NRXN1: variants seen among roughly 807,000 people sequenced by gnomAD.
The protein encoded by NRXN1 is neurexin-1.
In NRXN1, 39 loss-of-function variants were observed where a neutral mutation model predicts 150.9. That is an observed-to-expected ratio of 0.26 (90% confidence interval 0.20 to 0.34). The LOEUF (loss-of-function observed/expected upper bound fraction) is 0.34. Ranked by LOEUF, NRXN1 falls within the 10% of genes least tolerant of loss-of-function variation. NRXN1 has a pLI of 1.00. For synonymous variants in NRXN1, 924 were observed against 757.0 expected, an observed-to-expected ratio of 1.22 and a Z score of -3.62; for missense variants, 1,815 against 1,949.9, an observed-to-expected ratio of 0.93 and a Z score of 1.30.
chr2:49,964,536 C>T (rs150007514), intron 21 of NRXN1, among the ~76,000 whole-genome samples: 15 of 148,176 alleles, frequency 1.0e-4, no homozygotes, highest in Admixed American at 2.7e-4. Context: ...GCCGAGATCA[C>T]GCCATTGCAC....
chr2:50,682,728 T>G (rs1362368818), intron 5 of NRXN1, among the ~76,000 whole-genome samples: 2 of 152,098 alleles, frequency 1.3e-5, no homozygotes, highest in African/African-American at 2.4e-5. Context: ...TCCAAGGGCC[T>G]AGCAAGACAG....
At chr2:50,647,584 A>C (rs1024968797) in intron 5 of NRXN1, among the ~76,000 whole-genome samples, 42 of 151,958 alleles carry the variant, frequency 2.8e-4, no homozygotes, top group Non-Finnish European at 3.7e-4. Context: ...GGGGAATATA[A>C]ATTGGCAACT....
chr2:50,856,922 TC>T (rs1356536968), intron 5 of NRXN1, among the ~76,000 whole-genome samples: 1 of 152,054 alleles, frequency 6.6e-6, no homozygotes, highest in Non-Finnish European at 1.5e-5. Flanking sequence ...CTCTAGCCTA[TC>T]CTATTCTCAC....
At chr2:50,397,408 A>G (rs2082118482) in intron 17 of NRXN1, among the ~76,000 whole-genome samples, 2 of 152,110 alleles carry the variant, frequency 1.3e-5, no homozygotes, top group Admixed American at 1.3e-4. Flanking sequence ...GACAAGCAGA[A>G]CAATGGACAT....
At chr2:50,640,730 C>T (rs1413040334) in intron 5 of NRXN1, among the ~76,000 whole-genome samples, 4 of 152,202 alleles carry the variant, frequency 2.6e-5, no homozygotes, top group East Asian at 1.9e-4. Context: ...TAGACAATCA[C>T]ATTTGCCCAG....
intron 21 of NRXN1, among the ~76,000 whole-genome samples, chr2:49,996,903 C>G (rs955022737): frequency 2.0e-5 from 3 of 152,172 alleles, no homozygotes; most frequent in Non-Finnish European, 4.4e-5. Flanking sequence ...TATACTACAT[C>G]TTAGTCCAAA....
intron 17 of NRXN1, among the ~76,000 whole-genome samples, chr2:50,456,422 C>T (rs920824323): frequency 2.0e-5 from 3 of 152,038 alleles, no homozygotes; most frequent in Admixed American, 6.6e-5. Flanking sequence ...CTATAGAATG[C>T]TACAAGAGAG....
chr2:50,567,817 A>G (rs1390665242), intron 8 of NRXN1, among the ~76,000 whole-genome samples: 3 of 152,124 alleles, frequency 2.0e-5, no homozygotes, highest in Non-Finnish European at 2.9e-5. Flanking sequence ...TTTATTCAAA[A>G]ATAATGACGA....
At chr2:50,949,381 G>A (rs1371439538) in intron 2 of NRXN1, among the ~76,000 whole-genome samples, 1 of 151,778 alleles carries the variant, frequency 6.6e-6, no homozygotes, top group Non-Finnish European at 1.5e-5. Context: ...GTCAGATAAT[G>A]GCATCAAGAA....
At chr2:50,749,844 T>C (rs961799383) in intron 5 of NRXN1, among the ~76,000 whole-genome samples, 2 of 152,026 alleles carry the variant, frequency 1.3e-5, no homozygotes, top group African/African-American at 2.4e-5. Context: ...CCCAAGTACA[T>C]TGATGGCTGA....
Position 51,027,938 on chromosome 2 carries a change from G to A in NRXN1, c.336C>T (p.Gly112=), listed in dbSNP as rs1043285496. 12 of 1,604,612 alleles carry A rather than the reference G, an allele frequency of 7.5e-6. No homozygotes were observed. The highest frequency in any genetic ancestry group is 9.3e-6 in the Non-Finnish European group (11 of 1,179,630). The stretch of plus-strand genomic sequence containing the variant: ...GGCGGATGCGCACGCTGTGCCAGGC[G>A]CCGTCGTTAACCGGCGTGTCGGCCA... The part of the protein sequence containing the change: ...TLLADTPVND[G]AWHSVRIRRQ... The change falls in exon 2 of 23, where the codon GGC becomes GGT. Residue 112 remains glycine (G), a synonymous_variant. Transcript: ENST00000401669.
intron 17 of NRXN1, among the ~76,000 whole-genome samples, chr2:50,270,441 T>G (rs2069441094): frequency 6.6e-6 from 1 of 152,034 alleles, no homozygotes; most frequent in South Asian, 2.1e-4. Flanking sequence ...GTATTTGGAG[T>G]CCTCTAAACT....
intron 17 of NRXN1, among the ~76,000 whole-genome samples, chr2:50,367,182 C>T (rs1441451384): frequency 2.0e-5 from 3 of 151,890 alleles, no homozygotes; most frequent in Non-Finnish European, 4.4e-5. Flanking sequence ...ATAAGGCTAT[C>T]CTCGTCTCTT....
At chr2:50,707,405 G>A (rs956906710) in intron 5 of NRXN1, among the ~76,000 whole-genome samples, 8 of 152,080 alleles carry the variant, frequency 5.3e-5, no homozygotes, top group Admixed American at 2.0e-4. Context: ...GGTTCTTGGC[G>A]GTAGAAATGT....
At chr2:50,095,319 C>T (rs12477934) in intron 18 of NRXN1, among the ~76,000 whole-genome samples, 37,056 of 152,074 alleles carry the variant, frequency 0.24, 4,937 homozygotes, top group Admixed American at 0.38. Flanking sequence ...AGTTTAATTC[C>T]TGTTACACCT....
intron 17 of NRXN1, among the ~76,000 whole-genome samples, chr2:50,458,724 C>A (rs1428887822): frequency 6.6e-6 from 1 of 151,916 alleles, no homozygotes; most frequent in South Asian, 2.1e-4. Flanking sequence ...GAATTACAGG[C>A]ATGTACCACC....
At chr2:50,406,087 C>A (rs974233600) in intron 17 of NRXN1, among the ~76,000 whole-genome samples, 1 of 152,012 alleles carries the variant, frequency 6.6e-6, no homozygotes, top group African/African-American at 2.4e-5. Context: ...CATGTTAATT[C>A]TCCTCCTCTG....
At position 50,416,764 on chromosome 2, in the gene NRXN1, G is replaced by A. The variant is rs112964806; in HGVS notation, c.3364+48678C>T. 4.4e-3 allele frequency among the ~76,000 whole-genome samples: 663 copies of A among 151,654 alleles called. 1 individual carries two copies. Among genetic ancestry groups the A allele is most frequent in the Non-Finnish European group, 7.1e-3 (482 of 67,982 alleles). The stretch of plus-strand genomic sequence containing the variant: ...CTTATAAAACCATCAGATCGTGTGA[G>A]AACTCACTCACTATCAGTGGCATGG... On this transcript the variant is annotated intron_variant, in intron 17 of 22. Transcript: ENST00000401669.
intron 5 of NRXN1, among the ~76,000 whole-genome samples, chr2:50,911,546 G>A (rs1335546677): frequency 6.6e-6 from 1 of 151,720 alleles, no homozygotes; most frequent in Non-Finnish European, 1.5e-5. Context: ...ACATATTCTT[G>A]TTTTATTTAA....
Sources: allele counts gnomAD v4.1 joint callset (sites outside exome capture counted in the v4.1 genomes callset), GRCh38; gene constraint gnomAD v4.1.1; transcripts MANE v1.5; gene names NCBI Gene and HGNC (gene_info 2026-07-23, HGNC 2026-07-21).